Variants in GRIK4 observed in about 807,000 individuals in gnomAD.
GRIK4 encodes the protein glutamate receptor ionotropic, kainate 4.
In GRIK4, 40 loss-of-function variants were observed where a neutral mutation model predicts 104.9. The ratio of observed to expected loss-of-function variants is 0.38; its 90% CI spans 0.30 to 0.50. The LOEUF (loss-of-function observed/expected upper bound fraction) is 0.50. Among genes scored for constraint, GRIK4 ranks in the 20% least tolerant of loss-of-function variants. The pLI is 0.93. For synonymous variants in GRIK4, 485 were observed against 524.9 expected (o/e 0.92, Z 1.04); for missense variants, 1,047 against 1,308.1 (o/e 0.80, Z 3.08).
chr11:120,718,817 G>C (rs375332145), intron 3 of GRIK4, among the ~76,000 whole-genome samples: 2 of 152,154 alleles, frequency 1.3e-5, no homozygotes, highest in Admixed American at 6.5e-5. Context: ...CATACCTCAG[G>C]GATGCTTGGA....
intron 11 of GRIK4, among the ~76,000 whole-genome samples, chr11:120,884,495 G>A (rs998244133): frequency 1.3e-5 from 2 of 152,238 alleles, no homozygotes; most frequent in African/African-American, 2.4e-5. Context: ...GTGCACACCA[G>A]CTGTACCAGG....
chr11:120,642,119 A>G (rs1181715413), intron 1 of GRIK4, among the ~76,000 whole-genome samples: 1 of 152,180 alleles, frequency 6.6e-6, no homozygotes, highest in African/African-American at 2.4e-5. Flanking sequence ...TGTCTTGCAC[A>G]CAGCTATGTC....
chr11:120,857,089 T>C (rs528195477), intron 8 of GRIK4, among the ~76,000 whole-genome samples: 3 of 152,272 alleles, frequency 2.0e-5, no homozygotes, highest in Non-Finnish European at 2.9e-5. Flanking sequence ...CTTGCAGCCA[T>C]GGTAATCTCA....
At chr11:120,878,922 T>C (rs957499359) in intron 11 of GRIK4, among the ~76,000 whole-genome samples, 1 of 152,208 alleles carries the variant, frequency 6.6e-6, no homozygotes, top group African/African-American at 2.4e-5. Flanking sequence ...AAGGTGATGC[T>C]GGGCAGGGGA....
chr11:120,661,796 C>T (rs988037730), intron 3 of GRIK4, among the ~76,000 whole-genome samples: 5 of 152,090 alleles, frequency 3.3e-5, no homozygotes, highest in Non-Finnish European at 5.9e-5. Context: ...CAGTTCTCCC[C>T]CTCACCCTGC....
intron 13 of GRIK4, among the ~76,000 whole-genome samples, chr11:120,919,333 G>C (rs888023804): frequency 7.2e-5 from 11 of 152,228 alleles, no homozygotes; most frequent in Admixed American, 5.9e-4. Context: ...ACCATGGGAA[G>C]GAGCTGGGAC....
intron 1 of GRIK4, among the ~76,000 whole-genome samples, chr11:120,636,487 A>G (rs997808187): frequency 1.3e-5 from 2 of 152,160 alleles, no homozygotes; most frequent in Non-Finnish European, 2.9e-5. Context: ...ATCTAAGAAG[A>G]GCAGTGTGGG....
At chr11:120,805,845 G>A (rs749804912) in intron 4 of GRIK4, among the ~76,000 whole-genome samples, 15 of 152,176 alleles carry the variant, frequency 9.9e-5, no homozygotes, top group Non-Finnish European at 1.9e-4. Context: ...AAGGGAGGAG[G>A]GGGACAGGAT....
rs554346384 is a variant in GRIK4 at position 120,831,315 on chromosome 11, A to C, written c.512-537A>C. The stretch of plus-strand genomic sequence containing the variant: ...CCCAGTGTAACATTTGTGAGGGTTT[A>C]ATGTGTCCGAGGCTCGGGCCTGAGC... On this transcript the variant is annotated intron_variant, in intron 6 of 20. Transcript: ENST00000527524. Among the ~76,000 whole-genome samples the C allele has an allele frequency of 3.3e-5, 5 of 152,354 alleles. No homozygotes were observed. The East Asian group carries it at 9.6e-4, about 29-fold the overall frequency.
intron 11 of GRIK4, among the ~76,000 whole-genome samples, chr11:120,884,163 A>G (rs758569645): frequency 2.6e-5 from 4 of 152,132 alleles, no homozygotes; most frequent in South Asian, 2.1e-4. Flanking sequence ...CTGTTTCTCA[A>G]TTTCCTCCTC....
rs1361947219 is a variant in GRIK4 at position 120,594,049 on chromosome 11, T to A, written c.-158-59636T>A. Among the ~76,000 whole-genome samples the A allele has an allele frequency of 1.6e-4, 24 of 152,356 alleles. No homozygotes were observed. In the South Asian group the frequency reaches 4.8e-3, roughly 30 times the overall value. Reference sequence around the variant, plus strand: ...AGACAGTAGCCTCCTAATTGGTTTTTCTCCTTCCACTTCTCTTGTTCCTTG... The same window carrying A: ...AGACAGTAGCCTCCTAATTGGTTTTACTCCTTCCACTTCTCTTGTTCCTTG... On this transcript the variant is annotated intron_variant, in intron 1 of 20. Transcript: ENST00000527524.
chr11:120,637,857 G>C (rs1200835472), intron 1 of GRIK4, among the ~76,000 whole-genome samples: 1 of 151,912 alleles, frequency 6.6e-6, no homozygotes, highest in Admixed American at 6.6e-5. Context: ...TGGCATCTAA[G>C]CCCTCAGCTT....
At chr11:120,660,977 C>T (rs982379172) in intron 3 of GRIK4, among the ~76,000 whole-genome samples, 2 of 152,132 alleles carry the variant, frequency 1.3e-5, no homozygotes, top group African/African-American at 4.8e-5. Context: ...GGCAGGCGGG[C>T]TTCCACCTGA....
At chr11:120,770,433 C>G (rs555616769) in intron 3 of GRIK4, among the ~76,000 whole-genome samples, 9 of 152,344 alleles carry the variant, frequency 5.9e-5, no homozygotes, top group African/African-American at 2.2e-4. Context: ...AACTGTTTCT[C>G]AGTCCCATCA....
At chr11:120,792,255 T>C (rs926879004) in intron 3 of GRIK4, among the ~76,000 whole-genome samples, 8 of 150,804 alleles carry the variant, frequency 5.3e-5, no homozygotes, top group African/African-American at 9.7e-5. Flanking sequence ...TGTGTGTGCG[T>C]GTGTGTGTGT....
intron 1 of GRIK4, among the ~76,000 whole-genome samples, chr11:120,590,708 G>A (rs557667972): frequency 2.6e-5 from 4 of 152,170 alleles, no homozygotes; most frequent in Non-Finnish European, 5.9e-5. Flanking sequence ...GGGATTTTAG[G>A]CCCCTCAGAA....
intron 1 of GRIK4, among the ~76,000 whole-genome samples, chr11:120,562,435 G>A (rs1316036033): frequency 1.3e-5 from 2 of 152,220 alleles, no homozygotes; most frequent in Non-Finnish European, 2.9e-5. Context: ...GGATGGCAGG[G>A]AGCTGGGGAG....
chr11:120,824,983 G>A (rs1357083520), intron 6 of GRIK4, among the ~76,000 whole-genome samples: 2 of 152,106 alleles, frequency 1.3e-5, no homozygotes, highest in Admixed American at 6.5e-5. Context: ...GAAGTGCAAT[G>A]GTGCGATCTC....
At chr11:120,728,929 C>A (rs1441400515) in intron 3 of GRIK4, among the ~76,000 whole-genome samples, 1 of 152,150 alleles carries the variant, frequency 6.6e-6, no homozygotes. Context: ...CCTTCCTAGC[C>A]TCTGGTAACC....
Sources: gnomAD v4.1 joint callset for allele counts (sites outside exome capture counted in the v4.1 genomes callset) on GRCh38, gnomAD v4.1.1 for gene constraint, MANE v1.5 for transcripts, NCBI Gene and HGNC (gene_info 2026-07-23, HGNC 2026-07-21) for gene names.